SAMHD1: variants seen among roughly 807,000 people sequenced by gnomAD.
The protein encoded by SAMHD1 is SAM and HD domain containing deoxynucleoside triphosphate triphosphohydrolase 1.
A neutral mutation model predicts 79.6 loss-of-function variants in SAMHD1; 54 were observed. That is an observed-to-expected ratio of 0.68 (90% CI 0.55 to 0.85). SAMHD1 has a LOEUF of 0.85. SAMHD1 is among the 40% of genes least tolerant of loss of function. The probability of loss-of-function intolerance (pLI) is 0.00; values close to 1 mark genes in which losing one functional copy is unlikely to be tolerated. For missense variants in SAMHD1, 663 were observed against 782.7 expected, an observed-to-expected ratio of 0.85 and a Z score of 1.82; for synonymous variants, 260 against 264.1, an observed-to-expected ratio of 0.98 and a Z score of 0.15.
chr20:36,950,595 G>A (rs1179449175), intron 1 of SAMHD1, among the ~76,000 whole-genome samples: 1 of 152,164 alleles, frequency 6.6e-6, no homozygotes, highest in Non-Finnish European at 1.5e-5. Context: ...GCTTGGATAC[G>A]AATCAGTAAA....
intron 12 of SAMHD1, chr20:36,905,047 A>G (rs973517921): frequency 4.0e-5 from 14 of 352,438 alleles, no homozygotes; most frequent in Non-Finnish European, 6.4e-5. Context: ...CCTTATATTC[A>G]TTTTCTCATG....
intron 9 of SAMHD1, chr20:36,916,509 C>A: frequency 8.3e-6 from 4 of 483,980 alleles, no homozygotes; most frequent in South Asian, 4.8e-5. Context: ...ACCCCAAAAC[C>A]AGTGTCTAAC....
chr20:36,892,878 C>T lies in SAMHD1; in HGVS notation c.*54G>A. The T allele has an allele frequency of 1.2e-6, 2 of 1,603,878 alleles. No individual in the cohort carries two copies. Among genetic ancestry groups the T allele is most frequent in the Non-Finnish European group, 1.7e-6 (2 of 1,170,948 alleles). On this transcript the variant is annotated 3_prime_UTR_variant, in exon 16 of 16. Coordinates refer to ENST00000646673, the MANE Select transcript of SAMHD1 (RefSeq NM_015474.4). ...AATTTGCAGAATTCTATGATTGAAG[C>T]CTCTAAATGAATTGTGCAGGAGAGG...
At chr20:36,914,245 G>A (rs2063462030) in intron 9 of SAMHD1, among the ~76,000 whole-genome samples, 1 of 152,032 alleles carries the variant, frequency 6.6e-6, no homozygotes, top group South Asian at 2.1e-4. Flanking sequence ...AATCCCTCCT[G>A]TTCCTGAGCC....
At chr20:36,938,291 CA>C (rs1241788982) in intron 3 of SAMHD1, among the ~76,000 whole-genome samples, 10 of 152,080 alleles carry the variant, frequency 6.6e-5, no homozygotes, top group Non-Finnish European at 1.0e-4. Flanking sequence ...CCTGTAATCC[CA>C]AAACTTTGGA....
At chr20:36,917,391 C>T (rs2063482349) in intron 7 of SAMHD1, among the ~76,000 whole-genome samples, 1 of 152,138 alleles carries the variant, frequency 6.6e-6, no homozygotes, top group Non-Finnish European at 1.5e-5. Context: ...TGGTGGCTCA[C>T]GCCTGTAATC....
intron 3 of SAMHD1, among the ~76,000 whole-genome samples, chr20:36,936,410 T>A (rs8115243): frequency 6.6e-6 from 1 of 151,986 alleles, no homozygotes; most frequent in African/African-American, 2.4e-5. Flanking sequence ...AGCCTCAAAC[T>A]CCTAGGCTCC....
chr20:36,923,397 G>A (rs910074747), intron 6 of SAMHD1, among the ~76,000 whole-genome samples: 2 of 151,898 alleles, frequency 1.3e-5, no homozygotes, highest in Non-Finnish European at 2.9e-5. Flanking sequence ...GCTCCTGCCC[G>A]GGTGACAGGG....
At chr20:36,928,939 C>T (rs764652021) in intron 5 of SAMHD1, among the ~76,000 whole-genome samples, 1 of 149,754 alleles carries the variant, frequency 6.7e-6, no homozygotes, top group African/African-American at 2.5e-5. Flanking sequence ...TGCCTGTAGT[C>T]CCAGCTACTT....
At chr20:36,949,154 C>T (rs1255401508) in intron 1 of SAMHD1, among the ~76,000 whole-genome samples, 1 of 151,380 alleles carries the variant, frequency 6.6e-6, no homozygotes, top group Non-Finnish European at 1.5e-5. Flanking sequence ...ATCCCAGCAA[C>T]TAGGGAGGCT....
At chr20:36,914,014 G>A (rs182525412) in intron 9 of SAMHD1, among the ~76,000 whole-genome samples, 47 of 151,700 alleles carry the variant, frequency 3.1e-4, no homozygotes, top group Non-Finnish European at 5.6e-4. Context: ...TCAGCCTTGC[G>A]AAGTAGTGGG....
At chr20:36,893,816 C>A in intron 15 of SAMHD1, 1 of 398,516 alleles carries the variant, frequency 2.5e-6, no homozygotes, top group Non-Finnish European at 4.4e-6. Context: ...CCATTCTTCA[C>A]TCTTCCTCTC....
Position 36,951,655 on chromosome 20 carries a change from G to A in SAMHD1, c.-12C>T, listed in dbSNP as rs1230070044. 2.5e-6 allele frequency: 4 copies of A among 1,612,660 alleles called. No homozygotes were observed. Among genetic ancestry groups the A allele is most frequent in the Non-Finnish European group, 3.4e-6 (4 of 1,179,974 alleles). On this transcript the variant is annotated 5_prime_UTR_variant, in exon 1 of 16. Transcript: ENST00000646673. ...TCGGCTCGCTGCATGGCTACACCTG[G>A]CGTCCGGCACAGCAGTCAAGAACCT...
At chr20:36,949,032 A>G (rs2063714584) in intron 1 of SAMHD1, among the ~76,000 whole-genome samples, 1 of 152,022 alleles carries the variant, frequency 6.6e-6, no homozygotes, top group Non-Finnish European at 1.5e-5. Context: ...TGGGAGGCAG[A>G]GGCGGATGCA....
At chr20:36,929,613 G>A (rs1299840715) in intron 5 of SAMHD1, among the ~76,000 whole-genome samples, 1 of 152,072 alleles carries the variant, frequency 6.6e-6, no homozygotes, top group Non-Finnish European at 1.5e-5. Flanking sequence ...TCGGGAGGCT[G>A]AGGCAGAAGA....
At chr20:36,906,083 C>T (rs549507604) in intron 11 of SAMHD1, among the ~76,000 whole-genome samples, 2 of 152,054 alleles carry the variant, frequency 1.3e-5, no homozygotes, top group East Asian at 3.9e-4. Context: ...GACTGCTGAG[C>T]TGGGTGATGG....
intron 6 of SAMHD1, among the ~76,000 whole-genome samples, chr20:36,921,265 C>T (rs2063501807): frequency 6.6e-6 from 1 of 151,496 alleles, no homozygotes; most frequent in South Asian, 2.1e-4. Flanking sequence ...TGGTGGCATG[C>T]ACCTGTAGTC....
intron 4 of SAMHD1, among the ~76,000 whole-genome samples, chr20:36,932,885 A>G (rs2063576947): frequency 6.6e-6 from 1 of 152,156 alleles, no homozygotes; most frequent in South Asian, 2.1e-4. Flanking sequence ...AACACTTAAG[A>G]CTATGTATTT....
intron 15 of SAMHD1, 188 bp from the exon 16 acceptor site, chr20:36,893,254 T>C: frequency 1.5e-6 from 1 of 678,090 alleles, no homozygotes; most frequent in Admixed American, 2.6e-5. Context: ...ACTACAGTCT[T>C]ACGCAGGAAG....
Sources: allele counts gnomAD v4.1 joint callset (sites outside exome capture counted in the v4.1 genomes callset), GRCh38; gene constraint gnomAD v4.1.1; transcripts MANE v1.5; gene names NCBI Gene and HGNC (gene_info 2026-07-23, HGNC 2026-07-21).